The following GRIP1 variants were observed in gnomAD, a reference collection of about 807,000 sequenced individuals.
GRIP1 encodes glutamate receptor interacting protein 1.
Under a neutral mutation model 129.9 loss-of-function variants are expected in GRIP1, and 45 were observed. The ratio of observed to expected loss-of-function variants is 0.35; its 90% confidence interval spans 0.27 to 0.44. The LOEUF is 0.44. Among genes scored for constraint, GRIP1 ranks in the 20% least tolerant of loss-of-function variants. The pLI is 1.00. For missense variants in GRIP1, 1,196 were observed against 1,396.8 expected, an observed-to-expected ratio of 0.86 and a Z score of 2.29; for synonymous variants, 530 against 520.8, an observed-to-expected ratio of 1.02 and a Z score of -0.24.
intron 16 of GRIP1, among the ~76,000 whole-genome samples, chr12:66,402,858 T>A (rs2057055268): frequency 6.6e-6 from 1 of 152,242 alleles, no homozygotes; most frequent in Non-Finnish European, 1.5e-5. Flanking sequence ...TAAATGCTTA[T>A]TTTCCACTCA....
At chr12:66,567,425 C>A (rs919292257) in intron 2 of GRIP1, 1 of 152,114 alleles carries the variant, frequency 6.6e-6, no homozygotes, top group East Asian at 1.9e-4. Flanking sequence ...GGAAGTAAAG[C>A]ACTCCTCAGC....
At chr12:66,602,677 T>C (rs17102740) in intron 1 of GRIP1, among the ~76,000 whole-genome samples, 18,684 of 152,032 alleles carry the variant, frequency 0.12, 1,261 homozygotes, top group Non-Finnish European at 0.14. Context: ...CCTGTGATAG[T>C]CTCTTTCCTA....
intron 1 of GRIP1, among the ~76,000 whole-genome samples, chr12:66,788,470 T>C (rs2038428382): frequency 6.6e-6 from 1 of 151,932 alleles, no homozygotes; most frequent in Admixed American, 6.6e-5. Flanking sequence ...AATCCCTTCC[T>C]CATGAGTATA....
intron 1 of GRIP1, among the ~76,000 whole-genome samples, chr12:66,970,226 C>A (rs2137569809): frequency 6.6e-6 from 1 of 152,168 alleles, no homozygotes. Flanking sequence ...GGACTACAGC[C>A]ATGCACCACC....
At chr12:66,580,096 C>G (rs1440142772) in intron 2 of GRIP1, among the ~76,000 whole-genome samples, 1 of 148,630 alleles carries the variant, frequency 6.7e-6, no homozygotes, top group Non-Finnish European at 1.5e-5. Context: ...CAGTGGGGGC[C>G]AATATTCAAC....
At chr12:67,059,886 T>C (rs1440800169) in intron 1 of GRIP1, among the ~76,000 whole-genome samples, 2 of 152,128 alleles carry the variant, frequency 1.3e-5, no homozygotes. Context: ...AAAATGAGAG[T>C]GGGTGTTTAG....
At chr12:66,797,038 C>G (rs1330916270) in intron 1 of GRIP1, among the ~76,000 whole-genome samples, 3 of 152,030 alleles carry the variant, frequency 2.0e-5, no homozygotes, top group Non-Finnish European at 2.9e-5. Flanking sequence ...TTGGATGTTT[C>G]AGAAAAGCTT....
intron 7 of GRIP1, among the ~76,000 whole-genome samples, chr12:66,506,592 C>T (rs2060533826): frequency 6.6e-6 from 1 of 152,122 alleles, no homozygotes; most frequent in Non-Finnish European, 1.5e-5. Context: ...CATTTCTTGA[C>T]CTCGATGGAG....
At chr12:66,498,882 G>A (rs555888906) in intron 7 of GRIP1, among the ~76,000 whole-genome samples, 1 of 152,300 alleles carries the variant, frequency 6.6e-6, no homozygotes, top group African/African-American at 2.4e-5. Context: ...CTACAAGGAG[G>A]AGAAGATTAT....
intron 1 of GRIP1, among the ~76,000 whole-genome samples, chr12:66,620,288 C>A (rs1056645146): frequency 6.6e-6 from 1 of 152,174 alleles, no homozygotes; most frequent in Non-Finnish European, 1.5e-5. Context: ...ATGATTTCTG[C>A]CAATGATCTG....
chr12:66,946,713 T>C (rs2041673030), intron 1 of GRIP1, among the ~76,000 whole-genome samples: 1 of 141,304 alleles, frequency 7.1e-6, no homozygotes, highest in South Asian at 2.4e-4. Context: ...ATGCTTGGGC[T>C]GGCCATGGTA....
At chr12:66,988,331 G>A (rs1284525638) in intron 1 of GRIP1, among the ~76,000 whole-genome samples, 2 of 151,960 alleles carry the variant, frequency 1.3e-5, no homozygotes, top group African/African-American at 4.8e-5. Flanking sequence ...TATTTACTAG[G>A]CATTCACATA....
At chr12:66,776,405 C>A (rs935871823) in intron 1 of GRIP1, among the ~76,000 whole-genome samples, 1 of 152,120 alleles carries the variant, frequency 6.6e-6, no homozygotes, top group Non-Finnish European at 1.5e-5. Flanking sequence ...GTAGGTAATA[C>A]AATAAATCAA....
intron 1 of GRIP1, among the ~76,000 whole-genome samples, chr12:66,600,541 CCCT>C (rs1437124973): frequency 2.0e-5 from 3 of 152,168 alleles, no homozygotes; most frequent in African/African-American, 7.2e-5. Flanking sequence ...AAGCTATATT[CCCT>C]CCTACTTCTG....
At chr12:66,518,079 G>T in intron 5 of GRIP1, 103 bp from the exon 6 acceptor site, 1 of 779,210 alleles carries the variant, frequency 1.3e-6, no homozygotes, top group Non-Finnish European at 2.3e-6. Context: ...TTGATGTACG[G>T]AGGAAAATAT....
chr12:66,650,155 A>G (rs1464105319), intron 1 of GRIP1, among the ~76,000 whole-genome samples: 1 of 152,112 alleles, frequency 6.6e-6, no homozygotes, highest in Non-Finnish European at 1.5e-5. Flanking sequence ...CATCCAAGGG[A>G]GGGCATCCCA....
intron 1 of GRIP1, among the ~76,000 whole-genome samples, chr12:66,788,784 G>A (rs1018091704): frequency 1.3e-5 from 2 of 152,040 alleles, no homozygotes; most frequent in Non-Finnish European, 2.9e-5. Context: ...CATTCCAGCC[G>A]AGAGATGATT....
At chr12:66,763,677 A>C (rs1315767034) in intron 1 of GRIP1, among the ~76,000 whole-genome samples, 1 of 152,228 alleles carries the variant, frequency 6.6e-6, no homozygotes, top group Non-Finnish European at 1.5e-5. Flanking sequence ...AGGAAATAAA[A>C]CATAGATTAA....
At chr12:66,539,857 G>A (rs11176253) in intron 3 of GRIP1, among the ~76,000 whole-genome samples, 1 of 152,126 alleles carries the variant, frequency 6.6e-6, no homozygotes, top group Non-Finnish European at 1.5e-5. Flanking sequence ...CACCATAACA[G>A]AATATTGGCT....
Sources: allele counts gnomAD v4.1 joint callset (sites outside exome capture counted in the v4.1 genomes callset), GRCh38; gene constraint gnomAD v4.1.1; transcripts MANE v1.5; gene names NCBI Gene and HGNC (gene_info 2026-07-23, HGNC 2026-07-21).